The following DMD variants were observed in gnomAD, a reference collection of about 807,000 sequenced individuals.
DMD encodes dystrophin, also known as mutant dystrophin.
A neutral mutation model predicts 330.1 loss-of-function variants in DMD; 63 were observed. The observed-to-expected ratio is 0.19, with a 90% CI of 0.16 to 0.24. The LOEUF (loss-of-function observed/expected upper bound fraction) is 0.24. Among genes scored for constraint, DMD ranks in the 10% least tolerant of loss-of-function variants. DMD has a pLI of 1.00. For missense variants in DMD, 3,344 were observed against 2,684.1 expected, an observed-to-expected ratio of 1.25 and a Z score of -5.43; for synonymous variants, 1,223 against 959.8, an observed-to-expected ratio of 1.27 and a Z score of -5.07.
chrX:31,180,591 G>C (rs1336198081), intron 68 of DMD, 110 bp from the exon 69 acceptor site: 1 of 580,757 alleles, frequency 1.7e-6, no homozygotes, highest in Admixed American at 2.7e-5. Context: ...AGAAAGCAAT[G>C]TTCATTAGTC....
At chrX:33,018,431 C>A (rs2093847084) in intron 2 of DMD, among the ~76,000 whole-genome samples, 1 of 111,721 alleles carries the variant, frequency 9.0e-6, no homozygotes, top group Non-Finnish European at 1.9e-5. Flanking sequence ...TGCTCTGAGG[C>A]AGTGCTAACA....
chrX:32,618,557 G>A (rs1399747687), intron 11 of DMD, among the ~76,000 whole-genome samples: 2 of 110,904 alleles, frequency 1.8e-5, no homozygotes, highest in African/African-American at 3.3e-5. Flanking sequence ...AATAACTAAT[G>A]AGTACTAAGC....
chrX:31,192,399 G>GTC (rs1443863371), intron 67 of DMD, among the ~76,000 whole-genome samples: 1 of 112,091 alleles, frequency 8.9e-6, no homozygotes, highest in African/African-American at 3.2e-5. Flanking sequence ...TTTACATGAG[G>GTC]TTGTACACAA....
chrX:32,723,947 A>C (rs2066598845), intron 7 of DMD, among the ~76,000 whole-genome samples: 1 of 111,545 alleles, frequency 9.0e-6, no homozygotes, highest in Admixed American at 9.6e-5. Flanking sequence ...GGCTGCATTC[A>C]AAGCTGTCCT....
chrX:31,809,136 T>TATATATGAGTTTATATATAA (rs1688618640), intron 50 of DMD, among the ~76,000 whole-genome samples: 2 of 95,625 alleles, frequency 2.1e-5, no homozygotes, highest in Non-Finnish European at 4.1e-5. Context: ...TATATATAAA[T>TATATATGAGTTTATATATAA]ATATATGAGT....
At chrX:32,878,256 T>A (rs912301772) in intron 2 of DMD, among the ~76,000 whole-genome samples, 1 of 110,605 alleles carries the variant, frequency 9.0e-6, no homozygotes, top group Admixed American at 9.6e-5. Context: ...CGGGCGCCTG[T>A]AGTCCCAGCT....
chrX:31,671,148 G>A (rs1303352052), intron 53 of DMD, among the ~76,000 whole-genome samples: 2 of 111,802 alleles, frequency 1.8e-5, no homozygotes, highest in Non-Finnish European at 3.8e-5. Context: ...TCCTGACCTC[G>A]TGATCCAACT....
chrX:32,860,520 C>G (rs2081996082), intron 2 of DMD, among the ~76,000 whole-genome samples: 2 of 111,457 alleles, frequency 1.8e-5, no homozygotes, highest in Admixed American at 1.9e-4. Flanking sequence ...ACGCTGCTGA[C>G]CAGCTCCCAG....
intron 1 of DMD, among the ~76,000 whole-genome samples, chrX:33,152,716 A>G: frequency 9.0e-6 from 1 of 111,486 alleles, no homozygotes; most frequent in Non-Finnish European, 1.9e-5. Flanking sequence ...TAACACAGAC[A>G]AGGGTATTAC....
At chrX:32,698,988 A>G in intron 8 of DMD, 124 bp downstream of exon 8, 1 of 616,004 alleles carries the variant, frequency 1.6e-6, no homozygotes, top group Admixed American at 2.9e-5. Flanking sequence ...ATATACATAC[A>G]TTAGGCTTTG....
chrX:32,894,915 A>G (rs1307455826), intron 2 of DMD, among the ~76,000 whole-genome samples: 1 of 112,393 alleles, frequency 8.9e-6, no homozygotes, highest in Non-Finnish European at 1.9e-5. Context: ...ACAAGATACC[A>G]TAGACTGGGC....
At chrX:31,832,135 C>G (rs2093061555) in intron 49 of DMD, among the ~76,000 whole-genome samples, 1 of 111,560 alleles carries the variant, frequency 9.0e-6, no homozygotes, top group South Asian at 3.7e-4. Context: ...TGAAGTTACA[C>G]CAGGTAAATG....
Position 31,204,039 on chromosome X carries a change from T to C in DMD, c.9729A>G (p.Gln3243=). 8.3e-7 allele frequency: 1 copy of C among 1,210,566 alleles called. No homozygotes were observed. The highest frequency in any genetic ancestry group is 1.1e-6 in the Non-Finnish European group (1 of 894,372). ...RLGLLLHDSI[Q]IPRQLGEVAS... Reference sequence around the variant, plus strand: ...CAACTTCACCCAACTGTCTTGGAATTTGGATAGAATCATGCAGAAGGAGGC... The same window carrying C: ...CAACTTCACCCAACTGTCTTGGAATCTGGATAGAATCATGCAGAAGGAGGC... The change falls in exon 67 of 79, where the codon CAA becomes CAG. Residue 3243 remains glutamine, a synonymous_variant. Transcript: ENST00000357033.
chrX:32,484,984 G>A lies in DMD; in HGVS notation c.2738C>T (p.Ala913Val). The change falls in exon 21 of 79, where the codon GCC (alanine) becomes GTC (valine). Residue 913 changes from alanine (A) to valine (V), a missense_variant. Ala to Val is a moderately conservative substitution (Grantham distance 64). Coordinates refer to ENST00000357033, the MANE Select transcript of DMD (RefSeq NM_004006.3). Reference protein sequence around the residue: ...GPMFLDADFVAFTNHFKQVFS... With the variant: ...GPMFLDADFVVFTNHFKQVFS... ...GACTTGCTTAAAATGATTTGTAAAGGCCACAAAGTCTGCATCCAGGAACAT... is the reference window on the plus strand; with the variant it reads ...GACTTGCTTAAAATGATTTGTAAAGACCACAAAGTCTGCATCCAGGAACAT... 16 of 1,211,369 alleles carry A rather than the reference G, an allele frequency of 1.3e-5. No homozygotes were observed. The highest frequency in any genetic ancestry group is 1.7e-5 in the Non-Finnish European group (15 of 895,286).
At chrX:32,488,316 G>A (rs897483653) in intron 20 of DMD, among the ~76,000 whole-genome samples, 2 of 111,164 alleles carry the variant, frequency 1.8e-5, no homozygotes, top group African/African-American at 6.5e-5. Flanking sequence ...TCTCATGGAA[G>A]CTTTTGTATT....
At chrX:32,771,550 C>T (rs768253657) in intron 7 of DMD, among the ~76,000 whole-genome samples, 15 of 106,825 alleles carry the variant, frequency 1.4e-4, no homozygotes, top group Admixed American at 2.0e-4. Context: ...TTCTGTGCCC[C>T]AATACGGCTT....
chrX:32,335,663 T>A (rs2097705037), intron 41 of DMD, among the ~76,000 whole-genome samples: 1 of 108,463 alleles, frequency 9.2e-6, no homozygotes, highest in Non-Finnish European at 1.9e-5. Flanking sequence ...ATACATAACA[T>A]ATACATAATA....
chrX:33,337,761 T>C (rs1445225484), intron 1 of DMD, among the ~76,000 whole-genome samples: 1 of 111,915 alleles, frequency 8.9e-6, no homozygotes, highest in East Asian at 2.8e-4. Flanking sequence ...TTTAAATACA[T>C]GTTGTTTTTA....
At chrX:31,188,331 A>G (rs1434944538) in intron 67 of DMD, among the ~76,000 whole-genome samples, 1 of 112,394 alleles carries the variant, frequency 8.9e-6, no homozygotes, top group Non-Finnish European at 1.9e-5. Context: ...AACCCAGCTA[A>G]AATTACATTT....
Sources: gnomAD v4.1 joint callset for allele counts (sites outside exome capture counted in the v4.1 genomes callset) on GRCh38, gnomAD v4.1.1 for gene constraint, MANE v1.5 for transcripts, NCBI Gene and HGNC (gene_info 2026-07-23, HGNC 2026-07-21) for gene names.